Variants in ELAVL3 observed in about 807,000 individuals in gnomAD.
ELAVL3 encodes the protein ELAV-like protein 3.
In ELAVL3, 8 loss-of-function variants were observed where a neutral mutation model predicts 34.2. That is an observed-to-expected ratio of 0.23 (90% confidence interval 0.14 to 0.42). The LOEUF is 0.42. ELAVL3 is among the 10% of genes least tolerant of loss of function. The probability of loss-of-function intolerance (pLI) is 1.00; values close to 1 mark genes in which losing one functional copy is unlikely to be tolerated. For synonymous variants in ELAVL3, 209 were observed against 222.1 expected, an observed-to-expected ratio of 0.94 and a Z score of 0.53; for missense variants, 273 against 518.8, an observed-to-expected ratio of 0.53 and a Z score of 4.60.
At position 11,457,160 on chromosome 19, in the gene ELAVL3, G is replaced by A. The variant is rs1394600111; in HGVS notation, c.714-12C>T. On this transcript the variant is annotated splice_polypyrimidine_tract_variant and intron_variant, in intron 5 of 6. Coordinates refer to ENST00000359227, the MANE Select transcript of ELAVL3 (RefSeq NM_001420.4). ...GCAAATTGTCCAGCCTGTGGAGGCAGAGGTGGTGGTCAGAGGTGGCTTCCA... is the reference window on the plus strand; with the variant it reads ...GCAAATTGTCCAGCCTGTGGAGGCAAAGGTGGTGGTCAGAGGTGGCTTCCA... The A allele has an allele frequency of 6.4e-7, 1 of 1,555,532 alleles. No homozygotes were observed. Among genetic ancestry groups the A allele is most frequent in the Admixed American group, 2.0e-5 (1 of 50,404 alleles).
intron 1 of ELAVL3, among the ~76,000 whole-genome samples, chr19:11,476,744 CA>C (rs1372918958): frequency 2.6e-5 from 4 of 151,800 alleles, no homozygotes; most frequent in African/African-American, 9.7e-5. Flanking sequence ...ACTAAAAATA[CA>C]AAAATTAGCC....
chr19:11,465,739 A>T (rs1971040097), intron 3 of ELAVL3, among the ~76,000 whole-genome samples: 1 of 152,024 alleles, frequency 6.6e-6, no homozygotes, highest in Admixed American at 6.6e-5. Context: ...GCTGCTGAGA[A>T]GGGAGGTCCT....
At chr19:11,479,317 C>T (rs1971323140) in intron 1 of ELAVL3, among the ~76,000 whole-genome samples, 2 of 152,074 alleles carry the variant, frequency 1.3e-5, no homozygotes, top group Admixed American at 6.5e-5. Context: ...GGGCGGGTCC[C>T]AGGGTCCAGG....
In ELAVL3 at chr19:11,454,884, T is replaced by TG. The variant is rs1359771133; in HGVS notation, c.753-8dup. 5 of 1,589,732 alleles carry TG rather than the reference T, an allele frequency of 3.1e-6. No homozygotes were observed. Among genetic ancestry groups the TG allele is most frequent in the African/African-American group, 1.3e-5 (1 of 74,778 alleles). ...GGCGATGAGCGACAGGGGACTACTT[T>TG]GGGGGTCACGCGGGCTCTGCCCTGA... is the stretch of plus-strand genomic sequence containing the variant. On this transcript the variant is annotated splice_region_variant and splice_polypyrimidine_tract_variant and intron_variant, in intron 6 of 6. Transcript: ENST00000359227. The surrounding 1 kb of genome is among the most constrained non-coding windows in gnomAD (Gnocchi z 9.2).
chr19:11,462,650 AT>A (rs1970912904), intron 3 of ELAVL3, among the ~76,000 whole-genome samples: 1 of 149,396 alleles, frequency 6.7e-6, no homozygotes, highest in Non-Finnish European at 1.5e-5. Context: ...AAATAAATAA[AT>A]TAATTAAGAA....
Position 11,458,220 on chromosome 19 carries a change from C to A in ELAVL3, c.554G>T (p.Gly185Val). 6.2e-7 allele frequency: 1 copy of A among 1,614,096 alleles called. No individual in the cohort carries two copies. The highest frequency in any genetic ancestry group is 8.5e-7 in the Non-Finnish European group (1 of 1,180,032). The change falls in exon 5 of 7, where the codon GGA (glycine) becomes GTA (valine). Residue 185 changes from glycine (G) to valine (V), a missense_variant. Gly to Val is a moderately radical substitution (Grantham distance 109). Coordinates refer to ENST00000359227, the MANE Select transcript of ELAVL3 (RefSeq NM_001420.4). This position sits in a 1 kb window ranked among gnomAD's most constrained non-coding sequence, Gnocchi z 7.3. ...GCCCAGCGGCTTCTGCCCATTCAGT[C>A]CTTTGATAGCCTCTTCGGCCTCAAT... ...KRIEAEEAIK[G>V]LNGQKPLGAA... is the part of the protein sequence containing the mutation.
intron 1 of ELAVL3, among the ~76,000 whole-genome samples, chr19:11,472,283 T>C (rs1266574117): frequency 6.6e-6 from 1 of 152,020 alleles, no homozygotes; most frequent in East Asian, 1.9e-4. Context: ...GAGGCGGAGG[T>C]TGCAGTGAGC....
intron 1 of ELAVL3, among the ~76,000 whole-genome samples, chr19:11,467,246 A>C (rs1305379165): frequency 6.6e-6 from 1 of 151,900 alleles, no homozygotes; most frequent in Non-Finnish European, 1.5e-5. Flanking sequence ...AACATGGAGA[A>C]ACTCCATCTC....
Position 11,454,801 on chromosome 19 carries a change from C to T in ELAVL3, c.829G>A (p.Gly277Arg). ...MSGLAGVGLS[G>R]GAAGAGWCIF... ...CACCAGCCGGCGCCCGCCGCGCCCCCCGACAGGCCCACGCCCGCCAGGCCG... is the reference window on the plus strand; with the variant it reads ...CACCAGCCGGCGCCCGCCGCGCCCCTCGACAGGCCCACGCCCGCCAGGCCG... The change falls in exon 7 of 7, where the codon GGG (glycine) becomes AGG (arginine). Residue 277 changes from glycine (G) to arginine (R), a missense_variant. Gly to Arg is a moderately radical substitution (Grantham distance 125). Transcript: ENST00000359227. The surrounding 1 kb of genome is among the most constrained non-coding windows in gnomAD (Gnocchi z 9.2). The T allele has an allele frequency of 1.9e-6, 3 of 1,612,560 alleles. No homozygotes were observed. In the Admixed American group the frequency reaches 5.0e-5, roughly 27 times the overall value.
chr19:11,466,319 C>T lies in ELAVL3; in HGVS notation c.230-44G>A. 1 of 1,569,038 alleles carries T rather than the reference C, an allele frequency of 6.4e-7. No individual in the cohort carries two copies. Among genetic ancestry groups the T allele is most frequent in the South Asian group, 1.1e-5 (1 of 90,148 alleles). The stretch of plus-strand genomic sequence containing the variant: ...TGATGACCTTCCCACCCAGCCTTGA[C>T]ACCTGCCAGTGTCCCACCTCAGGCC... On this transcript the variant is annotated intron_variant, in intron 2 of 6. Coordinates refer to ENST00000359227, the MANE Select transcript of ELAVL3 (RefSeq NM_001420.4). This position sits in a 1 kb window ranked among gnomAD's most constrained non-coding sequence, Gnocchi z 5.0.
rs1359230369 is a variant in ELAVL3, at chr19:11,458,732, G to A, written c.334-121C>T. The A allele has an allele frequency of 3.0e-6, 4 of 1,341,532 alleles. No individual in the cohort carries two copies. The highest frequency in any genetic ancestry group is 2.9e-5 in the African/African-American group (2 of 69,424). 83.1% of individuals were successfully genotyped at this position (1,341,532 alleles called of 1,614,324 possible). ...AAGTGACCCATCCGTCACTCAATAA[G>A]TATCTCTAGAGTTGTCACCGTGGGG... On this transcript the variant is annotated intron_variant, in intron 3 of 6. Coordinates refer to ENST00000359227, the MANE Select transcript of ELAVL3 (RefSeq NM_001420.4). This position sits in a 1 kb window ranked among gnomAD's most constrained non-coding sequence, Gnocchi z 7.3.
intron 1 of ELAVL3, among the ~76,000 whole-genome samples, chr19:11,478,483 C>T (rs886191818): frequency 1.9e-4 from 29 of 152,126 alleles, no homozygotes; most frequent in East Asian, 9.6e-4. Context: ...AAAGGGACTT[C>T]GGCGACTGGC....
rs1455170114 is a variant in ELAVL3 at position 11,480,397 on chromosome 19, C to T, written c.9+203G>A. On this transcript the variant is annotated intron_variant, in intron 1 of 6. Coordinates refer to ENST00000359227, the MANE Select transcript of ELAVL3 (RefSeq NM_001420.4). The surrounding 1 kb of genome is among the most constrained non-coding windows in gnomAD (Gnocchi z 6.8). The stretch of plus-strand genomic sequence containing the variant: ...AATCGCAGTCAGTCTCCCTAAGGCC[C>T]TCTCAGACCAAGCTCTAAGCGCCCT... 7.7e-6 allele frequency: 4 copies of T among 520,306 alleles called. No individual in the cohort carries two copies. The highest frequency in any genetic ancestry group is 1.2e-5 in the Non-Finnish European group (4 of 321,846). 32.2% of individuals were successfully genotyped at this position (520,306 alleles called of 1,614,324 possible). A position where few individuals can be genotyped will look rare whatever the true frequency, so the allele number is the denominator to read the frequency against.
chr19:11,465,603 GCTTCCT>G (rs1971036400), intron 3 of ELAVL3, among the ~76,000 whole-genome samples: 2 of 151,074 alleles, frequency 1.3e-5, no homozygotes, highest in African/African-American at 4.9e-5. Context: ...CCCGACCCTG[GCTTCCT>G]CCAGGGTCCG....
chr19:11,461,009 CAAA>C (rs535847241), intron 3 of ELAVL3, among the ~76,000 whole-genome samples: 34 of 89,842 alleles, frequency 3.8e-4, no homozygotes, highest in African/African-American at 5.4e-4. Context: ...ACAACCTCTA[CAAA>C]AAAAAAAAAA....
At chr19:11,471,634 T>G (rs1046698323) in intron 1 of ELAVL3, among the ~76,000 whole-genome samples, 2 of 151,614 alleles carry the variant, frequency 1.3e-5, no homozygotes, top group African/African-American at 2.4e-5. Flanking sequence ...ATTTTTTTTT[T>G]GTAGAGATGG....
rs55776936 is a variant in ELAVL3 at position 11,458,964 on chromosome 19, TA to T, written c.334-354del. 1.7e-4 allele frequency among the ~76,000 whole-genome samples: 26 copies of T among 150,590 alleles called. No individual in the cohort carries two copies. The highest frequency in any genetic ancestry group is 1.2e-3 in the Admixed American group (18 of 15,126). On this transcript the variant is annotated intron_variant, in intron 3 of 6. Coordinates refer to ENST00000359227, the MANE Select transcript of ELAVL3 (RefSeq NM_001420.4). This position sits in a 1 kb window ranked among gnomAD's most constrained non-coding sequence, Gnocchi z 7.3. ...ACAAACATTGACCTTTTTTTTTTTT[TA>T]AAGACAGGATCTCACTTTTTTACCC...
intron 1 of ELAVL3, among the ~76,000 whole-genome samples, chr19:11,467,250 C>A (rs544277080): frequency 6.6e-6 from 1 of 151,974 alleles, no homozygotes; most frequent in South Asian, 2.1e-4. Context: ...TGGAGAAACT[C>A]CATCTCTACT....
In ELAVL3 at chr19:11,454,369, T is replaced by C; in HGVS notation, c.*157A>G. 1.4e-6 allele frequency: 1 copy of C among 712,534 alleles called. No homozygotes were observed. The allele number at this position is 712,534 out of a possible 1,614,324, so 44.1% of individuals were successfully genotyped here. ...CCCTGCAGACCCTCCCACCCCAGAG[T>C]GCTCACCCTGTGGCTTCCGCAGGGA... On this transcript the variant is annotated 3_prime_UTR_variant, in exon 7 of 7. Transcript: ENST00000359227. This position sits in a 1 kb window ranked among gnomAD's most constrained non-coding sequence, Gnocchi z 9.2.
Sources: gnomAD v4.1 joint callset for allele counts (sites outside exome capture counted in the v4.1 genomes callset) on GRCh38, gnomAD v4.1.1 for gene constraint, Gnocchi (gnomAD v3.1) non-coding constraint, MANE v1.5 for transcripts, NCBI Gene and HGNC (gene_info 2026-07-23, HGNC 2026-07-21) for gene names.